Variants in ZYG11A observed in about 807,000 individuals in gnomAD.
ZYG11A encodes the protein zyg-11 family member A, cell cycle regulator.
ZYG11A carries 62 observed loss-of-function variants against 77.2 expected under a neutral mutation model. The ratio of observed to expected loss-of-function variants is 0.80; its 90% confidence interval spans 0.65 to 0.99. The LOEUF (loss-of-function observed/expected upper bound fraction) is 0.99, where lower values mean the gene tolerates loss of function less well. ZYG11A is among the 50% of genes least tolerant of loss of function. The pLI is 0.00. For synonymous variants in ZYG11A, 315 were observed against 324.6 expected (o/e 0.97, Z 0.32); for missense variants, 828 against 896.8 (o/e 0.92, Z 0.98).
intron 1 of ZYG11A, among the ~76,000 whole-genome samples, chr1:52,844,839 G>T (rs1004413454): frequency 1.3e-5 from 2 of 151,872 alleles, no homozygotes; most frequent in African/African-American, 4.8e-5. Context: ...TTTGTATATT[G>T]ATCTTGTATC....
intron 1 of ZYG11A, among the ~76,000 whole-genome samples, chr1:52,845,864 T>C (rs551639525): frequency 1.3e-5 from 2 of 151,634 alleles, no homozygotes; most frequent in South Asian, 4.2e-4. Flanking sequence ...TTGTAGAGGC[T>C]GAGTCTTGCT....
intron 1 of ZYG11A, among the ~76,000 whole-genome samples, chr1:52,847,853 TTTATTTATTTATTTATTTA>T (rs1558156958): frequency 4.1e-4 from 38 of 92,020 alleles, no homozygotes; most frequent in African/African-American, 1.3e-3. Flanking sequence ...TATTTATTTA[TTTATTTATTTATTTATTTA>T]TTTATTTATT....
intron 8 of ZYG11A, among the ~76,000 whole-genome samples, chr1:52,872,562 AT>A (rs1423546873): frequency 6.6e-6 from 1 of 150,862 alleles, no homozygotes; most frequent in Non-Finnish European, 1.5e-5. Flanking sequence ...TTTATTATTT[AT>A]TAATTATATT....
At chr1:52,885,421 G>T (rs1646432821) in intron 11 of ZYG11A, among the ~76,000 whole-genome samples, 1 of 149,960 alleles carries the variant, frequency 6.7e-6, no homozygotes, top group South Asian at 2.1e-4. Context: ...AGCCAGGTTG[G>T]TCTCGATCTC....
At chr1:52,854,773 C>G (rs1645777539) in intron 2 of ZYG11A, 143 bp downstream of exon 2, 14 of 903,932 alleles carry the variant, frequency 1.5e-5, no homozygotes, top group Non-Finnish European at 2.0e-5. Flanking sequence ...TTCTGGGATT[C>G]CATGATGGAA....
Position 52,854,540 on chromosome 1 carries a change from G to T in ZYG11A, c.166G>T (p.Glu56Ter), listed in dbSNP as rs1645771574. The T allele has an allele frequency of 1.3e-6, 2 of 1,551,678 alleles. No individual in the cohort carries two copies. Among genetic ancestry groups the T allele is most frequent in the African/African-American group, 2.7e-5 (2 of 73,172 alleles). ...LIANLEKLCSERPDGTLCLPE... is the reference protein window; with the variant it reads ...LIANLEKLCS ...TGCTAACCTGGAGAAATTGTGTTCT[G>T]AAAGACCTGATGGAACACTGTGCCT... is the stretch of plus-strand genomic sequence containing the variant. The change falls in exon 2 of 14, where the codon GAA becomes TAA. Residue 56 changes from glutamate to a stop codon, truncating the protein, a stop_gained. Coordinates refer to ENST00000371528, the MANE Select transcript of ZYG11A (RefSeq NM_001004339.3). LOFTEE classifies it high-confidence loss of function.
At chr1:52,856,951 A>T (rs1283737222) in intron 2 of ZYG11A, 47 bp from the exon 3 acceptor site, 2 of 1,467,814 alleles carry the variant, frequency 1.4e-6, no homozygotes, top group East Asian at 5.0e-5. Context: ...TCCTGGAAAG[A>T]CATGAGATCT....
intron 11 of ZYG11A, among the ~76,000 whole-genome samples, chr1:52,882,979 C>CTCATCTTTTCTTTTTTTTTTTT (rs1553124936): frequency 6.7e-6 from 1 of 150,130 alleles, no homozygotes; most frequent in African/African-American, 2.5e-5. Context: ...CCTTCCCAGA[C>CTCATCTTTTCTTTTTTTTTTTT]TCATCTTTTC....
At chr1:52,847,247 A>G (rs753457372) in intron 1 of ZYG11A, among the ~76,000 whole-genome samples, 1 of 152,106 alleles carries the variant, frequency 6.6e-6, no homozygotes, top group Non-Finnish European at 1.5e-5. Context: ...TTGTATTTTT[A>G]GTAGAGACAG....
At chr1:52,882,780 C>T (rs1185688612) in intron 11 of ZYG11A, among the ~76,000 whole-genome samples, 9 of 152,092 alleles carry the variant, frequency 5.9e-5, no homozygotes, top group African/African-American at 1.9e-4. Flanking sequence ...GGTTTTTGTC[C>T]TTTGTCCTCA....
chr1:52,875,333 T>C (rs757896056), intron 8 of ZYG11A, among the ~76,000 whole-genome samples: 4 of 152,178 alleles, frequency 2.6e-5, no homozygotes, highest in Non-Finnish European at 5.9e-5. Flanking sequence ...CTTTTTGATA[T>C]AATTTAATGA....
At chr1:52,872,882 CA>C (rs59422649) in intron 8 of ZYG11A, among the ~76,000 whole-genome samples, 15,159 of 111,824 alleles carry the variant, frequency 0.14, 1,097 homozygotes, top group African/African-American at 0.3. Flanking sequence ...GACTCTGTCT[CA>C]AAAAAAAAAA....
chr1:52,848,246 C>T (rs1645636930), intron 1 of ZYG11A, among the ~76,000 whole-genome samples: 1 of 152,090 alleles, frequency 6.6e-6, no homozygotes, highest in African/African-American at 2.4e-5. Flanking sequence ...GGTGATCCGC[C>T]TACCTTGGCC....
intron 4 of ZYG11A, among the ~76,000 whole-genome samples, chr1:52,862,069 C>T (rs370200210): frequency 4.6e-5 from 7 of 151,548 alleles, no homozygotes; most frequent in African/African-American, 7.2e-5. Flanking sequence ...ATTAGCCAGG[C>T]GTGGTGGCAG....
intron 8 of ZYG11A, among the ~76,000 whole-genome samples, chr1:52,876,027 A>C (rs1300208027): frequency 6.6e-6 from 1 of 151,804 alleles, no homozygotes; most frequent in Non-Finnish European, 1.5e-5. Flanking sequence ...GAGTATGTTG[A>C]TGCAAATGCA....
intron 1 of ZYG11A, among the ~76,000 whole-genome samples, chr1:52,847,509 A>ATT (rs34348785): frequency 6.9e-6 from 1 of 145,170 alleles, no homozygotes. Context: ...CCAGCCTGTC[A>ATT]TTTTTTTTTT....
At chr1:52,892,183 G>A (rs1646555784) in intron 13 of ZYG11A, among the ~76,000 whole-genome samples, 3 of 94,834 alleles carry the variant, frequency 3.2e-5, no homozygotes, top group African/African-American at 1.3e-4. Context: ...ACAGGCGTGA[G>A]CCACTGCGCC....
At chr1:52,865,168 C>T (rs1646002521) in intron 5 of ZYG11A, among the ~76,000 whole-genome samples, 1 of 151,922 alleles carries the variant, frequency 6.6e-6, no homozygotes. Flanking sequence ...TCTCGAACTC[C>T]TGAACTCAGG....
intron 8 of ZYG11A, among the ~76,000 whole-genome samples, chr1:52,872,274 T>G (rs1646181721): frequency 6.6e-6 from 1 of 152,136 alleles, no homozygotes; most frequent in Non-Finnish European, 1.5e-5. Context: ...GCTAATTTTT[T>G]TGTATCTTTA....
Sources: allele counts gnomAD v4.1 joint callset (sites outside exome capture counted in the v4.1 genomes callset), GRCh38; gene constraint gnomAD v4.1.1; transcripts MANE v1.5; gene names NCBI Gene and HGNC (gene_info 2026-07-23, HGNC 2026-07-21).